CCDC192: variants seen among roughly 807,000 people sequenced by gnomAD.
CCDC192 encodes coiled-coil domain containing 192, also known as coiled-coil domain-containing protein 192.
At chr5:127,855,761 G>A (rs746332511) in intron 5 of CCDC192, among the ~76,000 whole-genome samples, 33 of 152,194 alleles carry the variant, frequency 2.2e-4, no homozygotes, top group Non-Finnish European at 2.1e-4. Flanking sequence ...TTAATCTTGT[G>A]CATCTCTATC....
chr5:127,806,369 A>C (rs1757780955), intron 5 of CCDC192, among the ~76,000 whole-genome samples: 1 of 152,106 alleles, frequency 6.6e-6, no homozygotes, highest in East Asian at 1.9e-4. Context: ...ACGATGAATA[A>C]GTTTAAACTG....
intron 6 of CCDC192, among the ~76,000 whole-genome samples, chr5:127,911,034 T>C (rs1753331304): frequency 6.6e-6 from 1 of 152,190 alleles, no homozygotes; most frequent in South Asian, 2.1e-4. Context: ...TCAAACTTTG[T>C]AAACAATATC....
At chr5:127,731,192 A>G (rs1306184802) in intron 2 of CCDC192, among the ~76,000 whole-genome samples, 2 of 152,330 alleles carry the variant, frequency 1.3e-5, no homozygotes, top group East Asian at 1.9e-4. Flanking sequence ...TCAATATGCA[A>G]AAATCACGAG....
chr5:127,729,581 C>T lies in CCDC192; in HGVS notation c.114+21821C>T, dbSNP rs116602022. On this transcript the variant is annotated intron_variant, in intron 2 of 6. Transcript: ENST00000514853. Reference sequence around the variant, plus strand: ...ACAGAATATACATTCTTCTTCGGGTCACATGGCACTTACTCTAAAATCAGT... The same window carrying T: ...ACAGAATATACATTCTTCTTCGGGTTACATGGCACTTACTCTAAAATCAGT... Among the ~76,000 whole-genome samples the T allele has an allele frequency of 6.2e-3, 949 of 152,310 alleles. 14 individuals carry two copies. The highest frequency in any genetic ancestry group is 0.022 in the African/African-American group (896 of 41,552).
At chr5:127,932,937 G>T (rs1002450803) in intron 6 of CCDC192, among the ~76,000 whole-genome samples, 2 of 152,200 alleles carry the variant, frequency 1.3e-5, no homozygotes, top group Non-Finnish European at 2.9e-5. Context: ...GCCAGGGAAG[G>T]CTTCACTGTG....
At chr5:127,763,129 T>C (rs1755020942) in intron 3 of CCDC192, among the ~76,000 whole-genome samples, 1 of 151,582 alleles carries the variant, frequency 6.6e-6, no homozygotes, top group Non-Finnish European at 1.5e-5. Flanking sequence ...TCCTCACTAC[T>C]AGTCCAGGTC....
intron 3 of CCDC192, among the ~76,000 whole-genome samples, chr5:127,761,627 C>T (rs1419344354): frequency 9.2e-5 from 14 of 152,102 alleles, no homozygotes; most frequent in Non-Finnish European, 1.8e-4. Flanking sequence ...AATTATTGCT[C>T]TAGGTTAGAT....
At chr5:127,853,958 T>C (rs1750931963) in intron 5 of CCDC192, among the ~76,000 whole-genome samples, 1 of 152,164 alleles carries the variant, frequency 6.6e-6, no homozygotes, top group African/African-American at 2.4e-5. Context: ...CCCCACCCTT[T>C]CAATGACTCT....
chr5:127,793,595 C>T (rs1316971716), intron 3 of CCDC192, among the ~76,000 whole-genome samples: 2 of 152,130 alleles, frequency 1.3e-5, no homozygotes, highest in Non-Finnish European at 1.5e-5. Flanking sequence ...GAATCTTACA[C>T]AAGTTAATTC....
At chr5:127,742,080 T>C (rs902550121) in intron 2 of CCDC192, among the ~76,000 whole-genome samples, 1 of 152,208 alleles carries the variant, frequency 6.6e-6, no homozygotes, top group Middle Eastern at 3.2e-3. Context: ...ACGTCTGCCT[T>C]GTTACTCCTT....
Position 127,754,294 on chromosome 5 carries a change from G to C in CCDC192, c.141G>C (p.Met47Ile), listed in dbSNP as rs1754433471. The C allele has an allele frequency of 5.0e-6, 2 of 398,328 alleles. No individual in the cohort carries two copies. Among genetic ancestry groups the C allele is most frequent in the Non-Finnish European group, 8.9e-6 (2 of 225,942 alleles). The allele number at this position is 398,328 out of a possible 1,614,324, so 24.7% of individuals were successfully genotyped here. A position where few individuals can be genotyped will look rare whatever the true frequency, so the allele number is the denominator to read the frequency against. Reference protein sequence around the residue: ...VSKASLDTGQMAFTLAQLESL... With the variant: ...VSKASLDTGQIAFTLAQLESL... ...AAGCGTCCCTGGATACTGGACAGAT[G>C]GCGTTTACCTTGGCCCAACTTGAGT... Residue 47 changes from methionine to isoleucine, a missense_variant, in exon 3 of 7, where the codon ATG becomes ATC. Met to Ile is a conservative substitution (Grantham distance 10). Coordinates refer to ENST00000514853, the MANE Select transcript of CCDC192 (RefSeq NM_001317938.2).
chr5:127,728,325 C>A (rs1374379695), intron 2 of CCDC192, among the ~76,000 whole-genome samples: 1 of 152,128 alleles, frequency 6.6e-6, no homozygotes, highest in Non-Finnish European at 1.5e-5. Context: ...AAGGGAAGCC[C>A]ATCAGACTAA....
Position 127,875,595 on chromosome 5 carries a change from G to T in CCDC192, c.469G>T (p.Ala157Ser). 1 of 398,104 alleles carries T rather than the reference G, an allele frequency of 2.5e-6. No individual in the cohort carries two copies. The highest frequency in any genetic ancestry group is 4.4e-6 in the Non-Finnish European group (1 of 225,976). The allele number at this position is 398,104 out of a possible 1,614,324, so 24.7% of individuals were successfully genotyped here. A position where few individuals can be genotyped will look rare whatever the true frequency, so the allele number is the denominator to read the frequency against. Residue 157 changes from alanine to serine, a missense_variant, in exon 6 of 7, where the codon GCC becomes TCC. Coordinates refer to ENST00000514853, the MANE Select transcript of CCDC192 (RefSeq NM_001317938.2). ...ACAGACTGATTTGGCAACAGCTAAT[G>T]CCATCACAGTTCTGGAACTCAATGA... The part of the protein sequence containing the change: ...KLQTDLATAN[A>S]ITVLELNEKI...
At chr5:127,895,772 C>T (rs573704910) in intron 6 of CCDC192, among the ~76,000 whole-genome samples, 36 of 151,438 alleles carry the variant, frequency 2.4e-4, no homozygotes, top group African/African-American at 8.7e-4. Flanking sequence ...GCCTGGGAGG[C>T]AGATGTTGCA....
At chr5:127,737,937 G>A (rs1404389739) in intron 2 of CCDC192, among the ~76,000 whole-genome samples, 2 of 151,192 alleles carry the variant, frequency 1.3e-5, no homozygotes, top group Non-Finnish European at 3.0e-5. Context: ...TACATTTAAA[G>A]TTAATATTGT....
chr5:127,873,967 A>C (rs941604341), intron 5 of CCDC192, among the ~76,000 whole-genome samples: 4 of 152,204 alleles, frequency 2.6e-5, no homozygotes, highest in Non-Finnish European at 5.9e-5. Context: ...ATTAATCTAC[A>C]TGACAGGCCA....
intron 2 of CCDC192, among the ~76,000 whole-genome samples, chr5:127,731,130 T>G (rs1302447210): frequency 6.6e-6 from 1 of 152,088 alleles, no homozygotes; most frequent in Non-Finnish European, 1.5e-5. Flanking sequence ...CATCTCAGCC[T>G]CAAAGCTTCT....
At chr5:127,739,115 A>C (rs1358124340) in intron 2 of CCDC192, among the ~76,000 whole-genome samples, 1 of 152,032 alleles carries the variant, frequency 6.6e-6, no homozygotes, top group Non-Finnish European at 1.5e-5. Context: ...TTTGGTGTGG[A>C]TGTCCTTTCT....
At chr5:127,905,620 C>A (rs1160630416) in intron 6 of CCDC192, among the ~76,000 whole-genome samples, 4 of 152,044 alleles carry the variant, frequency 2.6e-5, no homozygotes, top group Non-Finnish European at 5.9e-5. Context: ...TACACTTTAG[C>A]AAAATAGCAT....
Sources: allele counts gnomAD v4.1 joint callset (sites outside exome capture counted in the v4.1 genomes callset), GRCh38; gene constraint gnomAD v4.1.1; transcripts MANE v1.5; gene names NCBI Gene and HGNC (gene_info 2026-07-23, HGNC 2026-07-21).